IL1RAPL2: variants seen among roughly 807,000 people sequenced by gnomAD.
IL1RAPL2 encodes X-linked interleukin-1 receptor accessory protein-like 2.
Under a neutral mutation model 44.1 loss-of-function variants are expected in IL1RAPL2, and 3 were observed. The observed-to-expected ratio is 0.07, with a 90% CI of 0.03 to 0.18. IL1RAPL2 has a LOEUF of 0.18. IL1RAPL2 is among the 10% of genes least tolerant of loss of function. The probability of loss-of-function intolerance (pLI) is 1.00; values close to 1 mark genes in which losing one functional copy is unlikely to be tolerated. For synonymous variants in IL1RAPL2, 181 were observed against 178.8 expected (o/e 1.01, Z -0.10); for missense variants, 391 against 496.4 (o/e 0.79, Z 2.02).
intron 2 of IL1RAPL2, among the ~76,000 whole-genome samples, chrX:104,786,653 C>T (rs1447491927): frequency 9.0e-6 from 1 of 111,422 alleles, no homozygotes; most frequent in Middle Eastern, 4.2e-3. Context: ...AGGCAACAAA[C>T]ACTTATTGCA....
At chrX:104,809,536 T>C (rs1331333784) in intron 2 of IL1RAPL2, among the ~76,000 whole-genome samples, 5 of 110,624 alleles carry the variant, frequency 4.5e-5, no homozygotes, top group Non-Finnish European at 9.5e-5. Flanking sequence ...TTTTGAGAAG[T>C]GTCTGTTCAT....
At chrX:104,950,614 A>G (rs1925546681) in intron 2 of IL1RAPL2, among the ~76,000 whole-genome samples, 1 of 112,763 alleles carries the variant, frequency 8.9e-6, no homozygotes, top group African/African-American at 3.2e-5. Flanking sequence ...TGTGCTAGCA[A>G]TGAGCGATAC....
chrX:105,740,472 C>G (rs1366830167), intron 7 of IL1RAPL2, 74 bp from the exon 8 acceptor site: 1 of 1,032,104 alleles, frequency 9.7e-7, no homozygotes, highest in Non-Finnish European at 1.3e-6. Flanking sequence ...GCTGTGTGAC[C>G]ATCTGTAGTC....
chrX:105,761,218 T>TATAC (rs1273284995), intron 10 of IL1RAPL2, among the ~76,000 whole-genome samples: 1 of 83,235 alleles, frequency 1.2e-5, no homozygotes, highest in Non-Finnish European at 2.2e-5. Context: ...AAACTCTTCC[T>TATAC]ATACACACAC....
chrX:105,267,328 T>C (rs1286810349), intron 4 of IL1RAPL2, 60 bp from the exon 5 acceptor site: 1 of 977,903 alleles, frequency 1.0e-6, no homozygotes, highest in East Asian at 3.1e-5. Flanking sequence ...AACTTGCTGG[T>C]ACTGAGATGT....
intron 2 of IL1RAPL2, among the ~76,000 whole-genome samples, chrX:104,671,447 C>G (rs2148028190): frequency 8.9e-6 from 1 of 112,028 alleles, no homozygotes; most frequent in South Asian, 3.7e-4. Flanking sequence ...AGAACCATTT[C>G]AAATGTCATT....
At chrX:104,629,892 G>A (rs1480336195) in intron 1 of IL1RAPL2, among the ~76,000 whole-genome samples, 1 of 112,028 alleles carries the variant, frequency 8.9e-6, no homozygotes, top group Non-Finnish European at 1.9e-5. Flanking sequence ...CTATGTGTCT[G>A]TTTTTATACC....
intron 6 of IL1RAPL2, among the ~76,000 whole-genome samples, chrX:105,665,344 C>CGTGT (rs58453498): frequency 0.031 from 3,066 of 98,498 alleles, 101 homozygotes; most frequent in African/African-American, 0.087. Flanking sequence ...TATGCGCGTG[C>CGTGT]GTGTGTGTGT....
chrX:104,595,252 G>A (rs1928742288), intron 1 of IL1RAPL2, among the ~76,000 whole-genome samples: 1 of 111,250 alleles, frequency 9.0e-6, no homozygotes, highest in African/African-American at 3.3e-5. Context: ...TGTTGAGGTG[G>A]GAAGGGGAAG....
At chrX:105,432,857 G>A (rs1274436497) in intron 5 of IL1RAPL2, among the ~76,000 whole-genome samples, 2 of 109,456 alleles carry the variant, frequency 1.8e-5, no homozygotes, top group East Asian at 5.8e-4. Context: ...TTAACCCAAA[G>A]TTTTCTCTCA....
chrX:104,633,061 A>G (rs1448635283), intron 1 of IL1RAPL2, among the ~76,000 whole-genome samples: 2 of 111,302 alleles, frequency 1.8e-5, no homozygotes, highest in African/African-American at 6.5e-5. Flanking sequence ...GGGTTGTTGA[A>G]TTTTGTCAAA....
At chrX:105,629,491 G>C (rs1466956846) in intron 6 of IL1RAPL2, among the ~76,000 whole-genome samples, 1 of 111,581 alleles carries the variant, frequency 9.0e-6, no homozygotes, top group African/African-American at 3.3e-5. Context: ...TTTCCTCAAA[G>C]AAAGGGAGTA....
intron 5 of IL1RAPL2, among the ~76,000 whole-genome samples, chrX:105,313,275 G>A (rs1326254309): frequency 1.8e-5 from 2 of 111,901 alleles, no homozygotes; most frequent in Non-Finnish European, 3.8e-5. Context: ...GTAAAAGTTA[G>A]GGTTATTACT....
At chrX:104,769,094 T>G (rs1932602966) in intron 2 of IL1RAPL2, among the ~76,000 whole-genome samples, 1 of 111,440 alleles carries the variant, frequency 9.0e-6, no homozygotes, top group Admixed American at 9.6e-5. Context: ...GTTAAAAAAA[T>G]TAGGGGATTG....
intron 5 of IL1RAPL2, among the ~76,000 whole-genome samples, chrX:105,423,148 C>T (rs928196699): frequency 9.0e-5 from 10 of 111,308 alleles, no homozygotes; most frequent in Admixed American, 3.8e-4. Flanking sequence ...TATACAAACA[C>T]GGTGCAAAGA....
In IL1RAPL2 at chrX:104,799,129, C is replaced by T. The variant is rs1310649294; in HGVS notation, c.82+140134C>T. On this transcript the variant is annotated intron_variant, in intron 2 of 10. Transcript: ENST00000372582. The stretch of plus-strand genomic sequence containing the variant: ...TGAGGTTCGGAGAAGTTAAGTTACT[C>T]GCCTAAGATTACACAGCTAGCAAGC... 1.8e-5 allele frequency among the ~76,000 whole-genome samples: 2 copies of T among 110,894 alleles called. 1 individual carries two copies. The highest frequency in any genetic ancestry group is 7.7e-4 in the South Asian group (2 of 2,603).
intron 2 of IL1RAPL2, among the ~76,000 whole-genome samples, chrX:105,017,852 G>GA (rs200742939): frequency 0.037 from 4,118 of 111,455 alleles, 212 homozygotes; most frequent in African/African-American, 0.13. Flanking sequence ...AGGAAGTTTG[G>GA]AAAAAAGTGA....
At chrX:104,879,365 T>TAAAAAA (rs753494292) in intron 2 of IL1RAPL2, among the ~76,000 whole-genome samples, 2 of 31,024 alleles carry the variant, frequency 6.4e-5, no homozygotes, top group Admixed American at 3.3e-4. Flanking sequence ...GCAAAACTAG[T>TAAAAAA]AAAAAAAAAA....
chrX:104,647,715 A>G (rs2148018987), intron 1 of IL1RAPL2: 1 of 545,626 alleles, frequency 1.8e-6, no homozygotes, highest in South Asian at 2.4e-5. Flanking sequence ...ACAGGCCAGG[A>G]GAGGATGTGC....
Sources: gnomAD v4.1 joint callset for allele counts (sites outside exome capture counted in the v4.1 genomes callset) on GRCh38, gnomAD v4.1.1 for gene constraint, MANE v1.5 for transcripts, NCBI Gene and HGNC (gene_info 2026-07-23, HGNC 2026-07-21) for gene names.